DRAM2: variants seen among roughly 807,000 people sequenced by gnomAD.
DRAM2 encodes DNA damage-regulated autophagy modulator protein 2.
In DRAM2, 26 loss-of-function variants were observed where a neutral mutation model predicts 33.5. The ratio of observed to expected loss-of-function variants is 0.78; its 90% CI spans 0.57 to 1.08. The LOEUF (loss-of-function observed/expected upper bound fraction) is 1.08, where lower values mean the gene tolerates loss of function less well. Ranked by LOEUF, DRAM2 falls within the 50% of genes least tolerant of loss-of-function variation. The probability of loss-of-function intolerance (pLI) is 0.00; values close to 1 mark genes in which losing one functional copy is unlikely to be tolerated. For missense variants in DRAM2, 311 were observed against 318.1 expected (o/e 0.98, Z 0.17); for synonymous variants, 98 against 109.5 (o/e 0.89, Z 0.66).
chr1:111,122,377 A>C lies in DRAM2; in HGVS notation c.340-1684T>G, dbSNP rs1336297442. Among the ~76,000 whole-genome samples, 3 of 148,052 alleles carry C rather than the reference A, an allele frequency of 2.0e-5. No individual in the cohort carries two copies. In the East Asian group the frequency reaches 5.9e-4, roughly 29 times the overall value. ...TAAGCTAGTTGAGAAGAAGACAGTAAGGAGGGAAGTAAAGACAGAAATGGA... is the reference window on the plus strand; with the variant it reads ...TAAGCTAGTTGAGAAGAAGACAGTACGGAGGGAAGTAAAGACAGAAATGGA... On this transcript the variant is annotated intron_variant, in intron 6 of 9. Coordinates refer to ENST00000484310, the MANE Select transcript of DRAM2 (RefSeq NM_001349884.2).
intron 2 of DRAM2, among the ~76,000 whole-genome samples, chr1:111,138,510 G>C (rs954904632): frequency 2.0e-5 from 3 of 152,248 alleles, no homozygotes; most frequent in Non-Finnish European, 2.9e-5. Flanking sequence ...TGCAGGCCGG[G>C]GGCGGTGGCT....
chr1:111,128,110 A>T (rs1275856591), intron 4 of DRAM2: 1 of 150,330 alleles, frequency 6.7e-6, no homozygotes, highest in Non-Finnish European at 1.5e-5. Context: ...GGGGCTGTTA[A>T]CAGCTAAACC....
At chr1:111,119,620 G>A (rs765576179) in intron 8 of DRAM2, 28 of 446,754 alleles carry the variant, frequency 6.3e-5, no homozygotes, top group Non-Finnish European at 1.0e-4. Flanking sequence ...CCCACATTTA[G>A]GGGAGTCAAT....
intron 9 of DRAM2, 83 bp from the exon 10 acceptor site, chr1:111,118,350 G>A (rs1252009623): frequency 5.7e-6 from 5 of 879,536 alleles, no homozygotes; most frequent in Non-Finnish European, 8.9e-6. Flanking sequence ...AGGCTACCTT[G>A]TGATTATGAA....
chr1:111,123,747 G>A (rs1368837702), intron 6 of DRAM2, among the ~76,000 whole-genome samples: 7 of 152,136 alleles, frequency 4.6e-5, no homozygotes, highest in Non-Finnish European at 1.0e-4. Flanking sequence ...GGGGTTGGGG[G>A]TGGTGAATGA....
intron 5 of DRAM2, chr1:111,125,384 G>A (rs993700383): frequency 6.6e-6 from 1 of 152,388 alleles, no homozygotes; most frequent in African/African-American, 2.4e-5. Context: ...AAGCTTATTT[G>A]TGTCACTCTC....
At chr1:111,137,005 G>A (rs1653333471) in intron 3 of DRAM2, among the ~76,000 whole-genome samples, 1 of 151,214 alleles carries the variant, frequency 6.6e-6, no homozygotes, top group Admixed American at 6.6e-5. Flanking sequence ...TGTAATCCTA[G>A]CACTTTGGGA....
intron 4 of DRAM2, among the ~76,000 whole-genome samples, chr1:111,128,508 G>A (rs758022636): frequency 1.4e-4 from 21 of 152,088 alleles, no homozygotes; most frequent in African/African-American, 1.9e-4. Context: ...GTAGTCCCTC[G>A]GTATCTGTGG....
intron 6 of DRAM2, 35 bp downstream of exon 6, chr1:111,124,707 T>C (rs937397876): frequency 5.6e-6 from 9 of 1,609,042 alleles, no homozygotes; most frequent in Non-Finnish European, 7.6e-6. Flanking sequence ...TTTATGTACT[T>C]AAGGAAAATA....
In DRAM2 at chr1:111,124,785, C is replaced by A; in HGVS notation, c.296G>T (p.Gly99Val). ...IKLNKAGLVL[G>V]ILSCLGLSIV... ...AGAAAGTCCTAAACAACTCAGTATT[C>A]CAAGTACAAGGCCAGCCTTGTTTAA... is the stretch of plus-strand genomic sequence containing the variant. The change falls in exon 6 of 10, where the codon GGA becomes GTA. Residue 99 changes from glycine (G) to valine (V), a missense_variant. By Grantham distance (109) the Gly-to-Val change is moderately radical (BLOSUM62 -3). Transcript: ENST00000484310. 1 of 1,613,466 alleles carries A rather than the reference C, an allele frequency of 6.2e-7. No homozygotes were observed. The highest frequency in any genetic ancestry group is 8.5e-7 in the Non-Finnish European group (1 of 1,179,682).
intron 7 of DRAM2, 152 bp downstream of exon 7, chr1:111,120,364 C>T (rs1649737706): frequency 2.2e-6 from 1 of 458,744 alleles, no homozygotes; most frequent in Admixed American, 7.6e-5. Flanking sequence ...GGATTGTGAA[C>T]CTAAGAATCT....
At chr1:111,138,482 T>C (rs772511277) in intron 2 of DRAM2, among the ~76,000 whole-genome samples, 2 of 152,202 alleles carry the variant, frequency 1.3e-5, no homozygotes, top group Non-Finnish European at 2.9e-5. Context: ...GCAGTAAGAA[T>C]GTTTATAAAA....
intron 3 of DRAM2, among the ~76,000 whole-genome samples, chr1:111,133,978 C>A (rs2101106301): frequency 6.6e-6 from 1 of 152,276 alleles, no homozygotes; most frequent in South Asian, 2.1e-4. Flanking sequence ...TTTTCTCATC[C>A]TCACTAAACT....
In DRAM2 at chr1:111,139,618, C is replaced by G. The variant is rs114806973; in HGVS notation, c.-196G>C. On this transcript the variant is annotated 5_prime_UTR_variant, in exon 2 of 10. Transcript: ENST00000484310. ...GAATTAATTAGACCGCTGATTTTCTCCGGAAGCGCGAAGCACTAGGCCGTT... is the reference window on the plus strand; with the variant it reads ...GAATTAATTAGACCGCTGATTTTCTGCGGAAGCGCGAAGCACTAGGCCGTT... The G allele has an allele frequency of 3.4e-4, 52 of 152,374 alleles. No individual in the cohort carries two copies. The highest frequency in any genetic ancestry group is 1.2e-3 in the African/African-American group (51 of 41,572). The allele number at this position is 152,374 out of a possible 1,614,324, so 9.4% of individuals were successfully genotyped here.
rs1161448067 is a variant in DRAM2 at position 111,117,925 on chromosome 1, A to G, written c.*235T>C. The G allele has an allele frequency of 5.8e-6, 3 of 515,846 alleles. No individual in the cohort carries two copies. Among genetic ancestry groups the G allele is most frequent in the Non-Finnish European group, 1.0e-5 (3 of 290,404 alleles). 32.0% of individuals were successfully genotyped at this position (515,846 alleles called of 1,614,324 possible). A position where few individuals can be genotyped will look rare whatever the true frequency, so the allele number is the denominator to read the frequency against. The stretch of plus-strand genomic sequence containing the variant: ...TATGATATCATAGTCTTTTGACTTT[A>G]TTTTCTGAGATAAAAAAGTATAGGC... On this transcript the variant is annotated 3_prime_UTR_variant, in exon 10 of 10. Transcript: ENST00000484310.
rs949313817 is a variant in DRAM2, at chr1:111,120,513, T to C, written c.517+3A>G. On this transcript the variant is annotated splice_donor_region_variant and intron_variant, in intron 7 of 9. Transcript: ENST00000484310. ...TGTAGCCACATTGTACAGTGAAGGA[T>C]ACTGCTAAGTGCACTTACTCCACAC... The C allele has an allele frequency of 6.3e-7, 1 of 1,577,090 alleles. No individual in the cohort carries two copies. Among genetic ancestry groups the C allele is most frequent in the African/African-American group, 1.4e-5 (1 of 73,280 alleles).
At chr1:111,129,358 G>A (rs1651622444) in intron 4 of DRAM2, among the ~76,000 whole-genome samples, 1 of 152,144 alleles carries the variant, frequency 6.6e-6, no homozygotes, top group Admixed American at 6.5e-5. Context: ...ACTTTCAGGG[G>A]TGGACCTAAC....
intron 3 of DRAM2, among the ~76,000 whole-genome samples, chr1:111,133,322 C>A (rs1346365904): frequency 2.6e-5 from 4 of 152,036 alleles, no homozygotes; most frequent in Non-Finnish European, 2.9e-5. Flanking sequence ...GGATTACAGG[C>A]ATCTGCCACC....
rs140413740 is a variant in DRAM2 at position 111,124,802 on chromosome 1, C to T, written c.279G>A (p.Lys93=). The T allele has an allele frequency of 7.4e-6, 12 of 1,613,346 alleles. No individual in the cohort carries two copies. The highest frequency in any genetic ancestry group is 9.3e-6 in the Non-Finnish European group (11 of 1,179,726). ...PEENVIIKLN[K]AGLVLGILSC... ...TCAGTATTCCAAGTACAAGGCCAGC[C>T]TTGTTTAATTTGATGATAACGTTCT... is the stretch of plus-strand genomic sequence containing the variant. Residue 93 remains lysine (K), a synonymous_variant, in exon 6 of 10, where the codon AAG becomes AAA. Transcript: ENST00000484310.
Sources: allele counts gnomAD v4.1 joint callset (sites outside exome capture counted in the v4.1 genomes callset), GRCh38; gene constraint gnomAD v4.1.1; transcripts MANE v1.5; gene names NCBI Gene and HGNC (gene_info 2026-07-23, HGNC 2026-07-21).